The following GALNT1 variants were observed in gnomAD, a reference collection of about 807,000 sequenced individuals.
GALNT1 encodes polypeptide N-acetylgalactosaminyltransferase 1.
GALNT1 carries 17 observed loss-of-function variants against 65.7 expected under a neutral mutation model. The observed-to-expected ratio is 0.26, with a 90% CI of 0.18 to 0.39. The LOEUF (loss-of-function observed/expected upper bound fraction) is 0.39, where lower values mean the gene tolerates loss of function less well. Among genes scored for constraint, GALNT1 ranks in the 10% least tolerant of loss-of-function variants. The pLI is 1.00. For synonymous variants in GALNT1, 210 were observed against 219.7 expected (o/e 0.96, Z 0.39); for missense variants, 460 against 672.8 (o/e 0.68, Z 3.50).
intron 1 of GALNT1, among the ~76,000 whole-genome samples, chr18:35,620,249 C>G (rs1185023291): frequency 1.3e-5 from 2 of 152,110 alleles, no homozygotes; most frequent in Non-Finnish European, 2.9e-5. Context: ...GCAGCAGAAT[C>G]GAGGGGTGAG....
chr18:35,708,727 C>G (rs1318698626), intron 11 of GALNT1, among the ~76,000 whole-genome samples: 2 of 152,176 alleles, frequency 1.3e-5, no homozygotes, highest in East Asian at 3.9e-4. Flanking sequence ...TAATTCTTAC[C>G]TGCCCTGCCC....
intron 1 of GALNT1, among the ~76,000 whole-genome samples, chr18:35,651,922 T>TA (rs2047316393): frequency 2.0e-5 from 3 of 152,198 alleles, no homozygotes; most frequent in African/African-American, 7.2e-5. Context: ...TTTAAATAAA[T>TA]GTTTTTTCAT....
intron 1 of GALNT1, among the ~76,000 whole-genome samples, chr18:35,607,590 C>T (rs1331095323): frequency 6.7e-6 from 1 of 150,220 alleles, no homozygotes; most frequent in Non-Finnish European, 1.5e-5. Flanking sequence ...ATGTATGAGG[C>T]TGGGGGCTGG....
At chr18:35,635,015 A>C (rs2047071058) in intron 1 of GALNT1, among the ~76,000 whole-genome samples, 1 of 152,196 alleles carries the variant, frequency 6.6e-6, no homozygotes, top group Non-Finnish European at 1.5e-5. Context: ...ATTTAATGGA[A>C]TCTGTTTTGT....
Position 35,625,859 on chromosome 18 carries a change from G to A in GALNT1, c.-103-28701G>A, listed in dbSNP as rs1031381536. On this transcript the variant is annotated intron_variant, in intron 1 of 11. Transcript: ENST00000269195. ...TTGTAATGATCTGGCATTAATCTTC[G>A]TGTGATTAAAAATTAAAGTATGAGA... is the stretch of plus-strand genomic sequence containing the variant. Among the ~76,000 whole-genome samples the A allele has an allele frequency of 1.5e-4, 23 of 152,094 alleles. 1 individual carries two copies. The South Asian group carries it at 2.9e-3, about 19-fold the overall frequency.
intron 1 of GALNT1, among the ~76,000 whole-genome samples, chr18:35,602,548 T>A (rs374491439): frequency 6.6e-6 from 1 of 152,266 alleles, no homozygotes; most frequent in East Asian, 1.9e-4. Context: ...TTTGTTCATT[T>A]TTATTCTTTT....
chr18:35,589,676 T>C (rs960836766), intron 1 of GALNT1, among the ~76,000 whole-genome samples: 1 of 152,192 alleles, frequency 6.6e-6, no homozygotes, highest in African/African-American at 2.4e-5. Flanking sequence ...GTTTGTTTTA[T>C]ATGTAATGTT....
At chr18:35,709,016 C>T (rs979738387) in intron 11 of GALNT1, among the ~76,000 whole-genome samples, 3 of 152,156 alleles carry the variant, frequency 2.0e-5, no homozygotes, top group Admixed American at 1.3e-4. Context: ...CTCCTTTAAC[C>T]ACCAGGATAG....
chr18:35,601,691 G>T (rs1486005545), intron 1 of GALNT1, among the ~76,000 whole-genome samples: 1 of 152,172 alleles, frequency 6.6e-6, no homozygotes, highest in African/African-American at 2.4e-5. Flanking sequence ...AATTTGTTGA[G>T]ACTTGTTTTG....
intron 11 of GALNT1, among the ~76,000 whole-genome samples, chr18:35,706,465 G>T (rs779473239): frequency 6.6e-6 from 1 of 152,080 alleles, no homozygotes; most frequent in Non-Finnish European, 1.5e-5. Flanking sequence ...CCGCGCCACT[G>T]CACTCCAGCC....
intron 3 of GALNT1, among the ~76,000 whole-genome samples, chr18:35,675,318 A>G (rs1429306749): frequency 3.9e-5 from 6 of 152,060 alleles, no homozygotes; most frequent in African/African-American, 9.7e-5. Context: ...TATTTTCTCT[A>G]TGTTTCCTCA....
At chr18:35,687,993 G>A (rs1163436636) in intron 6 of GALNT1, among the ~76,000 whole-genome samples, 3 of 152,102 alleles carry the variant, frequency 2.0e-5, no homozygotes, top group Non-Finnish European at 1.5e-5. Context: ...CTTAGCCTGA[G>A]TTCTTAGTAG....
intron 9 of GALNT1, among the ~76,000 whole-genome samples, chr18:35,697,999 G>A (rs548225143): frequency 2.4e-4 from 37 of 152,276 alleles, no homozygotes; most frequent in African/African-American, 7.7e-4. Context: ...AACCAAACTT[G>A]GGCACTTTCC....
chr18:35,639,925 T>C (rs568788870), intron 1 of GALNT1, among the ~76,000 whole-genome samples: 54 of 152,214 alleles, frequency 3.5e-4, no homozygotes, highest in African/African-American at 1.2e-3. Flanking sequence ...GCCTCCCGAG[T>C]AGCTGGGATT....
intron 1 of GALNT1, chr18:35,591,813 T>C (rs2046448152): frequency 6.5e-6 from 1 of 154,432 alleles, no homozygotes; most frequent in Non-Finnish European, 1.5e-5. Context: ...CATGACTTTG[T>C]ATGCAGGAGC....
intron 3 of GALNT1, among the ~76,000 whole-genome samples, chr18:35,665,763 G>A (rs1036172253): frequency 8.5e-5 from 13 of 152,150 alleles, no homozygotes; most frequent in Non-Finnish European, 1.8e-4. Flanking sequence ...TTGCAATAAA[G>A]TGCACAGGTT....
chr18:35,690,565 GA>G (rs2047945005), intron 7 of GALNT1, among the ~76,000 whole-genome samples: 1 of 152,140 alleles, frequency 6.6e-6, no homozygotes, highest in Non-Finnish European at 1.5e-5. Context: ...CCTGCAGTTA[GA>G]AAAATACTGC....
chr18:35,709,288 A>G (rs373732499), intron 11 of GALNT1, among the ~76,000 whole-genome samples: 2 of 152,172 alleles, frequency 1.3e-5, no homozygotes, highest in African/African-American at 4.8e-5. Context: ...AGCACAAAAA[A>G]GAGAAGCTTC....
intron 1 of GALNT1, among the ~76,000 whole-genome samples, chr18:35,600,069 A>G (rs1598780938): frequency 6.6e-6 from 1 of 152,152 alleles, no homozygotes; most frequent in East Asian, 1.9e-4. Context: ...TGTCCTTGGT[A>G]TTTTGATAGG....
Sources: gnomAD v4.1 joint callset for allele counts (sites outside exome capture counted in the v4.1 genomes callset) on GRCh38, gnomAD v4.1.1 for gene constraint, MANE v1.5 for transcripts, NCBI Gene and HGNC (gene_info 2026-07-23, HGNC 2026-07-21) for gene names.